SH3RF2: variants seen among roughly 807,000 people sequenced by gnomAD.
SH3RF2 encodes the protein E3 ubiquitin-protein ligase SH3RF2.
Under a neutral mutation model 59.0 loss-of-function variants are expected in SH3RF2, and 43 were observed. The ratio of observed to expected loss-of-function variants is 0.73; its 90% CI spans 0.57 to 0.94. The LOEUF (loss-of-function observed/expected upper bound fraction) is 0.94. SH3RF2 is among the 40% of genes least tolerant of loss of function. The probability of loss-of-function intolerance (pLI) is 0.00; values close to 1 mark genes in which losing one functional copy is unlikely to be tolerated. For synonymous variants in SH3RF2, 391 were observed against 391.5 expected (o/e 1.00, Z 0.01); for missense variants, 930 against 940.1 (o/e 0.99, Z 0.14).
At chr5:146,018,605 C>T (rs900785623) in intron 5 of SH3RF2, among the ~76,000 whole-genome samples, 6 of 152,014 alleles carry the variant, frequency 3.9e-5, no homozygotes, top group African/African-American at 9.7e-5. Flanking sequence ...AACATATGCA[C>T]GCAGTTGTCT....
intron 2 of SH3RF2, among the ~76,000 whole-genome samples, chr5:145,947,613 G>A (rs1051895495): frequency 6.6e-6 from 1 of 152,114 alleles, no homozygotes; most frequent in Non-Finnish European, 1.5e-5. Flanking sequence ...TAGACCTGGG[G>A]ATAATAAAAA....
At chr5:146,055,855 G>T in intron 7 of SH3RF2, 126 bp from the exon 8 acceptor site, 11 of 1,078,614 alleles carry the variant, frequency 1.0e-5, no homozygotes, top group Non-Finnish European at 1.2e-5. Context: ...TGTATGGGTG[G>T]GAAGAAGGTG....
chr5:146,001,998 T>A (rs1760435432), intron 3 of SH3RF2, among the ~76,000 whole-genome samples: 1 of 152,216 alleles, frequency 6.6e-6, no homozygotes, highest in Non-Finnish European at 1.5e-5. Context: ...TTATTCAACG[T>A]CATGTATTTA....
At chr5:145,962,613 A>C (rs770777397) in intron 2 of SH3RF2, among the ~76,000 whole-genome samples, 5 of 150,564 alleles carry the variant, frequency 3.3e-5, no homozygotes, top group Non-Finnish European at 7.4e-5. Flanking sequence ...CCTGGCACCT[A>C]CCTCATCCTC....
At chr5:145,977,789 T>C (rs374911783) in intron 2 of SH3RF2, among the ~76,000 whole-genome samples, 120 of 152,302 alleles carry the variant, frequency 7.9e-4, no homozygotes, top group African/African-American at 2.4e-3. Flanking sequence ...CATACACATA[T>C]ACCTCAAGAA....
chr5:146,064,862 AAGAG>A (rs113346910), downstream of SH3RF2, among the ~76,000 whole-genome samples: 2 of 29,804 alleles, frequency 6.7e-5, no homozygotes, highest in African/African-American at 1.0e-4. Context: ...GAAAGAAAGA[AAGAG>A]AAAGAAAAAG....
intron 9 of SH3RF2, among the ~76,000 whole-genome samples, chr5:146,068,570 C>T (rs1028193354): frequency 1.4e-4 from 22 of 152,182 alleles, no homozygotes; most frequent in Non-Finnish European, 2.2e-4. Context: ...AAACCAGAGA[C>T]GTTAACTCCA....
rs951814317 is a variant in SH3RF2, at chr5:146,060,155, A to G, written c.1845A>G (p.Pro615=). ...KEIPIKSEPL[P]KPPASAPPSI... Reference sequence around the variant, plus strand: ...TCCCCATCAAGAGTGAGCCTCTGCCAAAACCGCCCGCATCTGCCCCACCAT... The same window carrying G: ...TCCCCATCAAGAGTGAGCCTCTGCCGAAACCGCCCGCATCTGCCCCACCAT... Residue 615 remains proline, a synonymous_variant, in exon 9 of 10, where the codon CCA becomes CCG. Transcript: ENST00000359120. 1 of 1,613,958 alleles carries G rather than the reference A, an allele frequency of 6.2e-7. No homozygotes were observed. Among genetic ancestry groups the G allele is most frequent in the African/African-American group, 1.3e-5 (1 of 74,916 alleles).
chr5:146,021,624 T>C (rs958864745), intron 5 of SH3RF2, among the ~76,000 whole-genome samples: 7 of 152,354 alleles, frequency 4.6e-5, no homozygotes, highest in African/African-American at 1.7e-4. Flanking sequence ...CCCCTTAAAC[T>C]TTCTCTTAAA....
intron 2 of SH3RF2, among the ~76,000 whole-genome samples, chr5:145,977,568 C>T (rs1264193689): frequency 6.6e-6 from 1 of 152,116 alleles, no homozygotes; most frequent in Non-Finnish European, 1.5e-5. Flanking sequence ...ACTCCTGTGC[C>T]CAAAAAGATG....
At position 145,964,307 on chromosome 5, in the gene SH3RF2, T is replaced by C. The variant is rs566645409; in HGVS notation, c.378+26001T>C. The stretch of plus-strand genomic sequence containing the variant: ...TCCTTCCTTCCTTCCTTCCTTCCTT[T>C]CTTTCTTTTTTTTTTTTTTGACAGA... On this transcript the variant is annotated intron_variant, in intron 2 of 9. Transcript: ENST00000359120. 8.5e-3 allele frequency among the ~76,000 whole-genome samples: 691 copies of C among 81,172 alleles called. 2 individuals carry two copies. Among genetic ancestry groups the C allele is most frequent in the African/African-American group, 0.023 (596 of 25,606 alleles). The allele number at this position is 81,172 out of a possible 152,430, so 53.3% of individuals were successfully genotyped here. A position where few individuals can be genotyped will look rare whatever the true frequency, so the allele number is the denominator to read the frequency against.
chr5:145,983,758 G>A (rs1167681801), intron 2 of SH3RF2, among the ~76,000 whole-genome samples: 1 of 152,168 alleles, frequency 6.6e-6, no homozygotes, highest in Non-Finnish European at 1.5e-5. Flanking sequence ...TATACACTCA[G>A]TACAGAGGGC....
At chr5:145,979,246 G>A (rs540456596) in intron 2 of SH3RF2, among the ~76,000 whole-genome samples, 1 of 152,174 alleles carries the variant, frequency 6.6e-6, no homozygotes, top group East Asian at 1.9e-4. Flanking sequence ...TACTACAGAA[G>A]AAACTCTTGG....
intron 2 of SH3RF2, among the ~76,000 whole-genome samples, chr5:145,958,112 T>G (rs1318969262): frequency 6.8e-6 from 1 of 148,134 alleles, no homozygotes; most frequent in African/African-American, 2.5e-5. Context: ...AAACTCCATC[T>G]CAAAAAAAAA....
At chr5:145,978,720 C>T (rs1423217747) in intron 2 of SH3RF2, among the ~76,000 whole-genome samples, 14 of 151,232 alleles carry the variant, frequency 9.3e-5, no homozygotes, top group Admixed American at 9.2e-4. Context: ...CCTCTAAATT[C>T]ATTAGTTGAA....
At chr5:145,992,217 C>CA (rs35982240) in intron 2 of SH3RF2, among the ~76,000 whole-genome samples, 2 of 151,490 alleles carry the variant, frequency 1.3e-5, no homozygotes, top group African/African-American at 2.4e-5. Flanking sequence ...GCAAAAAATA[C>CA]AAAAAAAATT....
In SH3RF2 at chr5:146,071,612, A is replaced by C. The variant is rs182156888; in HGVS notation, c.*34-6848A>C. 1.2e-3 allele frequency among the ~76,000 whole-genome samples: 180 copies of C among 152,368 alleles called. 2 individuals carry two copies. Among genetic ancestry groups the C allele is most frequent in the Admixed American group, 2.8e-3 (43 of 15,304 alleles). On this transcript the variant is annotated intron_variant, in intron 9 of 9. Transcript: ENST00000511217. ...TAAAAGCATCAGTCAAGGACCAGCT[A>C]TGTTCCCAGTCCACTAGAATGTCAC...
rs564019531 is a variant in SH3RF2 at position 145,983,937 on chromosome 5, C to G, written c.379-16121C>G. Among the ~76,000 whole-genome samples the G allele has an allele frequency of 1.1e-3, 168 of 152,144 alleles. 2 individuals carry two copies. The highest frequency in any genetic ancestry group is 4.0e-3 in the African/African-American group (164 of 41,492). ...CTTTGGCTAGCATGCTTGGATACTCCCCAATCTTGGGGAAATAACTAGTTG... is the reference window on the plus strand; with the variant it reads ...CTTTGGCTAGCATGCTTGGATACTCGCCAATCTTGGGGAAATAACTAGTTG... On this transcript the variant is annotated intron_variant, in intron 2 of 9. Transcript: ENST00000359120.
chr5:145,994,195 C>T (rs1760062396), intron 2 of SH3RF2, among the ~76,000 whole-genome samples: 1 of 152,202 alleles, frequency 6.6e-6, no homozygotes, highest in African/African-American at 2.4e-5. Context: ...CTGAGACCAC[C>T]TCAGCCTGGA....
Sources: gnomAD v4.1 joint callset for allele counts (sites outside exome capture counted in the v4.1 genomes callset) on GRCh38, gnomAD v4.1.1 for gene constraint, MANE v1.5 for transcripts, NCBI Gene and HGNC (gene_info 2026-07-23, HGNC 2026-07-21) for gene names.